CTSL: variants seen among roughly 807,000 people sequenced by gnomAD.
CTSL encodes procathepsin L.
A neutral mutation model predicts 34.7 loss-of-function variants in CTSL; 23 were observed. That is an observed-to-expected ratio of 0.66 (90% CI 0.48 to 0.94). The LOEUF is 0.94. Among genes scored for constraint, CTSL ranks in the 40% least tolerant of loss-of-function variants. CTSL has a pLI of 0.00. For missense variants in CTSL, 361 were observed against 406.3 expected, an observed-to-expected ratio of 0.89 and a Z score of 0.96; for synonymous variants, 129 against 136.7, an observed-to-expected ratio of 0.94 and a Z score of 0.39.
At position 87,730,487 on chromosome 9, in the gene CTSL, G is replaced by A; in HGVS notation, c.891G>A (p.Leu297=). 1 of 1,602,658 alleles carries A rather than the reference G, an allele frequency of 6.2e-7. No individual in the cohort carries two copies. Among genetic ancestry groups the A allele is most frequent in the Non-Finnish European group, 8.5e-7 (1 of 1,174,140 alleles). ...STESDNNKYW[L]VKNSWGEEWG... is the part of the protein sequence containing the mutation. ...AATCAGATAACAATAAATATTGGCT[G>A]GTGAAGAACAGGTATAAATTGCCAG... is the stretch of plus-strand genomic sequence containing the variant. The change falls in exon 7 of 8, where the codon CTG becomes CTA. Residue 297 remains leucine (L), a synonymous_variant. Transcript: ENST00000343150.
intron 6 of CTSL, 115 bp from the exon 7 acceptor site, chr9:87,730,266 A>G (rs771458783): frequency 1.7e-6 from 1 of 599,996 alleles, no homozygotes; most frequent in Non-Finnish European, 2.9e-6. Context: ...TACTATCTGG[A>G]ATGTGTGTCA....
At position 87,731,196 on chromosome 9, in the gene CTSL, C is replaced by G; in HGVS notation, c.*89C>G. On this transcript the variant is annotated 3_prime_UTR_variant, in exon 8 of 8. Coordinates refer to ENST00000343150, the MANE Select transcript of CTSL (RefSeq NM_001912.5). Reference sequence around the variant, plus strand: ...TTCAGTCTACCAGCCCCCGCTGTGTCGGATACACACTCGAATCATTGAAGA... The same window carrying G: ...TTCAGTCTACCAGCCCCCGCTGTGTGGGATACACACTCGAATCATTGAAGA... 2.3e-6 allele frequency: 2 copies of G among 858,030 alleles called. No homozygotes were observed. The highest frequency in any genetic ancestry group is 2.2e-5 in the Admixed American group (1 of 44,944). 53.2% of individuals were successfully genotyped at this position (858,030 alleles called of 1,614,324 possible). A position where few individuals can be genotyped will look rare whatever the true frequency, so the allele number is the denominator to read the frequency against.
chr9:87,730,379 A>T lies in CTSL; in HGVS notation c.785-2A>T. ...ACCCCAGCCCTCATTTTACCATCCC[A>T]GGCATTTATTTTGAGCCAGACTGTA... On this transcript the variant is annotated splice_acceptor_variant, in intron 6 of 7. Transcript: ENST00000343150. LOFTEE classifies it high-confidence loss of function. 6.2e-7 allele frequency: 1 copy of T among 1,604,634 alleles called. No homozygotes were observed. The highest frequency in any genetic ancestry group is 8.5e-7 in the Non-Finnish European group (1 of 1,175,574).
In CTSL at chr9:87,727,817, A is replaced by G; in HGVS notation, c.126+88A>G. 3.3e-6 allele frequency: 5 copies of G among 1,508,938 alleles called. No individual in the cohort carries two copies. In the South Asian group the frequency reaches 6.0e-5, roughly 18 times the overall value. 93.5% of individuals were successfully genotyped at this position (1,508,938 alleles called of 1,614,324 possible). A position where few individuals can be genotyped will look rare whatever the true frequency, so the allele number is the denominator to read the frequency against. ...CTTCTAGAGGCCAGCTTTTACCAAT[A>G]GCCTAATGTAATAACCTAATGGCGT... On this transcript the variant is annotated intron_variant, in intron 2 of 7. Coordinates refer to ENST00000343150, the MANE Select transcript of CTSL (RefSeq NM_001912.5).
intron 5 of CTSL, 31 bp from the exon 6 acceptor site, chr9:87,729,542 C>T: frequency 6.2e-7 from 1 of 1,606,238 alleles, no homozygotes; most frequent in South Asian, 1.1e-5. Flanking sequence ...CAGCAGTAAT[C>T]AAGTCTTTTT....
chr9:87,730,042 A>G (rs114595131), intron 6 of CTSL, among the ~76,000 whole-genome samples: 1,586 of 152,288 alleles, frequency 0.01, 33 homozygotes, highest in African/African-American at 0.035. Context: ...TTTTACTTCT[A>G]TTATTAAATC....
At position 87,727,450 on chromosome 9, in the gene CTSL, C is replaced by T. The variant is rs1204812858; in HGVS notation, c.-10-144C>T. The T allele has an allele frequency of 5.9e-6, 5 of 850,484 alleles. No homozygotes were observed. In the East Asian group the frequency reaches 1.1e-4, roughly 19 times the overall value. 52.7% of individuals were successfully genotyped at this position (850,484 alleles called of 1,614,324 possible). On this transcript the variant is annotated intron_variant, in intron 1 of 7. Coordinates refer to ENST00000343150, the MANE Select transcript of CTSL (RefSeq NM_001912.5). ...TGTTTTTCTCCAGGCACATCCTTGGCCTCTTCCACAGTCCTTGGGTAAATG... is the reference window on the plus strand; with the variant it reads ...TGTTTTTCTCCAGGCACATCCTTGGTCTCTTCCACAGTCCTTGGGTAAATG...
chr9:87,727,447 T>C (rs900054406), intron 1 of CTSL, 147 bp from the exon 2 acceptor site: 6 of 827,404 alleles, frequency 7.3e-6, no homozygotes, highest in Non-Finnish European at 1.1e-5. Flanking sequence ...GGCACATCCT[T>C]GGCCTCTTCC....
chr9:87,727,543 T>G, intron 1 of CTSL, 51 bp from the exon 2 acceptor site: 1 of 1,587,936 alleles, frequency 6.3e-7, no homozygotes, highest in Non-Finnish European at 8.6e-7. Flanking sequence ...GGCAGTAAGA[T>G]GGCTTTTTAG....
rs765529085 is a variant in CTSL at position 87,730,480 on chromosome 9, A to G, written c.884A>G (p.Tyr295Cys). The G allele has an allele frequency of 1.9e-6, 3 of 1,610,268 alleles. No homozygotes were observed. The highest frequency in any genetic ancestry group is 3.4e-5 in the Admixed American group (2 of 59,306). ...AGCACAGAATCAGATAACAATAAAT[A>G]TTGGCTGGTGAAGAACAGGTATAAA... ...FESTESDNNKYWLVKNSWGEE... is the reference protein window; with the variant it reads ...FESTESDNNKCWLVKNSWGEE... The change falls in exon 7 of 8, where the codon TAT becomes TGT. Residue 295 changes from tyrosine (Y) to cysteine (C), a missense_variant. Transcript: ENST00000343150.
At chr9:87,727,392 T>C (rs1308126936) in intron 1 of CTSL, among the ~76,000 whole-genome samples, 1 of 152,166 alleles carries the variant, frequency 6.6e-6, no homozygotes, top group Non-Finnish European at 1.5e-5. Flanking sequence ...TGCTTTTCAT[T>C]TTGGTGAGTC....
Position 87,727,698 on chromosome 9 carries a change from G to T in CTSL, c.95G>T (p.Trp32Leu), listed in dbSNP as rs1801404. Reference sequence around the variant, plus strand: ...AGTTTAGAGGCACAGTGGACCAAGTGGAAGGCGATGCACAACAGATTATAC... The same window carrying T: ...AGTTTAGAGGCACAGTGGACCAAGTTGAAGGCGATGCACAACAGATTATAC... Reference protein sequence around the residue: ...DHSLEAQWTKWKAMHNRLYGM... With the variant: ...DHSLEAQWTKLKAMHNRLYGM... The change falls in exon 2 of 8, where the codon TGG becomes TTG. Residue 32 changes from tryptophan (W) to leucine (L), a missense_variant. Coordinates refer to ENST00000343150, the MANE Select transcript of CTSL (RefSeq NM_001912.5). 1 of 1,614,138 alleles carries T rather than the reference G, an allele frequency of 6.2e-7. No individual in the cohort carries two copies. Among genetic ancestry groups the T allele is most frequent in the Non-Finnish European group, 8.5e-7 (1 of 1,180,016 alleles).
chr9:87,727,508 C>A, intron 1 of CTSL, 86 bp from the exon 2 acceptor site: 1 of 1,301,078 alleles, frequency 7.7e-7, no homozygotes, highest in Non-Finnish European at 1.1e-6. Flanking sequence ...TTTTATTCTA[C>A]CATGGTGGCC....
At position 87,731,166 on chromosome 9, in the gene CTSL, T is replaced by A; in HGVS notation, c.*59T>A. On this transcript the variant is annotated 3_prime_UTR_variant, in exon 8 of 8. Coordinates refer to ENST00000343150, the MANE Select transcript of CTSL (RefSeq NM_001912.5). ...GGGATGGCGCATGCATGGGAGGAAT[T>A]CATCTTCAGTCTACCAGCCCCCGCT... The A allele has an allele frequency of 7.8e-7, 1 of 1,284,030 alleles. No individual in the cohort carries two copies. Among genetic ancestry groups the A allele is most frequent in the Non-Finnish European group, 1.1e-6 (1 of 889,024 alleles). 79.5% of individuals were successfully genotyped at this position (1,284,030 alleles called of 1,614,324 possible).
chr9:87,731,203 A>G lies in CTSL; in HGVS notation c.*96A>G, dbSNP rs1826250640. The G allele has an allele frequency of 1.3e-6, 1 of 781,400 alleles. No individual in the cohort carries two copies. Among genetic ancestry groups the G allele is most frequent in the African/African-American group, 1.7e-5 (1 of 58,350 alleles). 48.4% of individuals were successfully genotyped at this position (781,400 alleles called of 1,614,324 possible). On this transcript the variant is annotated 3_prime_UTR_variant, in exon 8 of 8. Transcript: ENST00000343150. ...TACCAGCCCCCGCTGTGTCGGATAC[A>G]CACTCGAATCATTGAAGATCCGAGT...
At chr9:87,728,865 A>T (rs2378757) in intron 5 of CTSL, 56 bp downstream of exon 5, 2 of 1,611,980 alleles carry the variant, frequency 1.2e-6, no homozygotes, top group Non-Finnish European at 1.7e-6. Flanking sequence ...TGGACACTTT[A>T]AGAGATAACA....
intron 5 of CTSL, among the ~76,000 whole-genome samples, chr9:87,729,179 AG>A (rs111749560): frequency 0.017 from 2,624 of 152,128 alleles, 69 homozygotes; most frequent in African/African-American, 0.056. Context: ...AAAAAAAAAA[AG>A]TTCACATATT....
At chr9:87,726,781 T>G (rs1826014754) in intron 1 of CTSL, among the ~76,000 whole-genome samples, 2 of 152,018 alleles carry the variant, frequency 1.3e-5, no homozygotes, top group Admixed American at 1.3e-4. Context: ...GGTGGCTCAC[T>G]CCTGTAATCC....
chr9:87,730,378 C>T lies in CTSL; in HGVS notation c.785-3C>T. The T allele has an allele frequency of 3.1e-6, 5 of 1,603,662 alleles. No homozygotes were observed. The highest frequency in any genetic ancestry group is 4.3e-6 in the Non-Finnish European group (5 of 1,174,824). ...CACCCCAGCCCTCATTTTACCATCCCAGGCATTTATTTTGAGCCAGACTGT... is the reference window on the plus strand; with the variant it reads ...CACCCCAGCCCTCATTTTACCATCCTAGGCATTTATTTTGAGCCAGACTGT... On this transcript the variant is annotated splice_polypyrimidine_tract_variant and splice_region_variant and intron_variant, in intron 6 of 7. Coordinates refer to ENST00000343150, the MANE Select transcript of CTSL (RefSeq NM_001912.5).
Sources: allele counts gnomAD v4.1 joint callset (sites outside exome capture counted in the v4.1 genomes callset), GRCh38; gene constraint gnomAD v4.1.1; transcripts MANE v1.5; gene names NCBI Gene and HGNC (gene_info 2026-07-23, HGNC 2026-07-21).